Variants in ZNF579 observed in about 807,000 individuals in gnomAD.
The protein encoded by ZNF579 is zinc finger protein 579.
A neutral mutation model predicts 5.7 loss-of-function variants in ZNF579; 3 were observed. The ratio of observed to expected loss-of-function variants is 0.53; its 90% CI spans 0.24 to 1.36. ZNF579 has a LOEUF of 1.36. Among genes scored for constraint, ZNF579 ranks in the 40% most tolerant of loss-of-function variants. The pLI is 0.16. For synonymous variants in ZNF579, 454 were observed against 409.0 expected (o/e 1.11, Z -1.33); for missense variants, 679 against 877.6 (o/e 0.77, Z 2.86).
At position 55,577,817 on chromosome 19, in the gene ZNF579, G is replaced by T. The variant is rs1000081718; in HGVS notation, c.*134C>A. 1.4e-6 allele frequency: 2 copies of T among 1,456,808 alleles called. No individual in the cohort carries two copies. The highest frequency in any genetic ancestry group is 1.8e-6 in the Non-Finnish European group (2 of 1,103,872). The allele number at this position is 1,456,808 out of a possible 1,614,324, so 90.2% of individuals were successfully genotyped here. On this transcript the variant is annotated 3_prime_UTR_variant, in exon 2 of 2. Coordinates refer to ENST00000325421, the MANE Select transcript of ZNF579 (RefSeq NM_152600.3). ...ATGGGGGAGGAAGGGGCAGTCCAGG[G>T]CCCCCCACTCCTTAGTGTCAAGGGC...
In ZNF579 at chr19:55,578,283, C is replaced by A; in HGVS notation, c.1357G>T (p.Ala453Ser). 2 of 1,310,308 alleles carry A rather than the reference C, an allele frequency of 1.5e-6. No homozygotes were observed. Among genetic ancestry groups the A allele is most frequent in the Non-Finnish European group, 1.9e-6 (2 of 1,035,034 alleles). The allele number at this position is 1,310,308 out of a possible 1,614,324, so 81.2% of individuals were successfully genotyped here. ...CPRCPRRFSR[A>S]YSLLRHQRCH... ...CGCTGGTGGCGCAGGAGGCTGTAGG[C>A]GCGCGAGAAGCGGCGCGGGCAGCGG... Residue 453 changes from alanine (A) to serine (S), a missense_variant, in exon 2 of 2, where the codon GCC (alanine) becomes TCC (serine). By Grantham distance (99) the Ala-to-Ser change is moderately conservative (BLOSUM62 1). Around this residue, in one of 6 missense-constraint regions of ZNF579, gnomAD observed 68 missense variants for 154.2 expected, o/e 0.44. Coordinates refer to ENST00000325421, the MANE Select transcript of ZNF579 (RefSeq NM_152600.3).
At position 55,579,238 on chromosome 19, in the gene ZNF579, C is replaced by G. The variant is rs1454039654; in HGVS notation, c.402G>C (p.Arg134Ser). The change falls in exon 2 of 2, where the codon AGG becomes AGC. Residue 134 changes from arginine to serine, a missense_variant. By Grantham distance (110) the Arg-to-Ser change is moderately radical. Transcript: ENST00000325421. ...AGGEVELAIERVAKETAEPSW... is the reference protein window; with the variant it reads ...AGGEVELAIESVAKETAEPSW... ...TGGGTTCGGCCGTCTCCTTGGCCAC[C>G]CTCTCGATGGCCAGCTCGACCTCGC... The G allele has an allele frequency of 2.0e-6, 3 of 1,521,648 alleles. No individual in the cohort carries two copies. The East Asian group carries it at 7.6e-5, about 39-fold the overall frequency. 94.3% of individuals were successfully genotyped at this position (1,521,648 alleles called of 1,614,324 possible).
At position 55,579,015 on chromosome 19, in the gene ZNF579, C is replaced by T. The variant is rs1188688480; in HGVS notation, c.625G>A (p.Glu209Lys). The T allele has an allele frequency of 6.5e-7, 1 of 1,531,312 alleles. No individual in the cohort carries two copies. The highest frequency in any genetic ancestry group is 8.7e-7 in the Non-Finnish European group (1 of 1,144,722). The allele number at this position is 1,531,312 out of a possible 1,614,324, so 94.9% of individuals were successfully genotyped here. ...AEAGAAELRAELALAAGRQEE... is the reference protein window; with the variant it reads ...AEAGAAELRAKLALAAGRQEE... ...TGCCGCCCGGCCGCCAGCGCCAGCTCGGCCCTCAGCTCTGCTGCCCCGGCC... is the reference window on the plus strand; with the variant it reads ...TGCCGCCCGGCCGCCAGCGCCAGCTTGGCCCTCAGCTCTGCTGCCCCGGCC... Residue 209 changes from glutamate to lysine, a missense_variant, in exon 2 of 2, where the codon GAG becomes AAG. Physicochemically the swap from Glu to Lys is moderately conservative, Grantham distance 56. Coordinates refer to ENST00000325421, the MANE Select transcript of ZNF579 (RefSeq NM_152600.3).
intron 1 of ZNF579, 67 bp from the exon 2 acceptor site, chr19:55,579,708 G>T: frequency 7.5e-7 from 1 of 1,339,672 alleles, no homozygotes; most frequent in South Asian, 1.8e-5. Context: ...GGGTGTGGCA[G>T]AAAGAGAAGC....
chr19:55,577,849 G>A lies in ZNF579; in HGVS notation c.*102C>T, dbSNP rs1979431226. ...ACTCCTTAGTGTCAAGGGCGTGAAGGGGACGGGTGGGTAGACAGAGGAGGT... is the reference window on the plus strand; with the variant it reads ...ACTCCTTAGTGTCAAGGGCGTGAAGAGGACGGGTGGGTAGACAGAGGAGGT... On this transcript the variant is annotated 3_prime_UTR_variant, in exon 2 of 2. Transcript: ENST00000325421. 1.3e-6 allele frequency: 2 copies of A among 1,506,726 alleles called. No homozygotes were observed. Among genetic ancestry groups the A allele is most frequent in the African/African-American group, 1.4e-5 (1 of 72,506 alleles). 93.3% of individuals were successfully genotyped at this position (1,506,726 alleles called of 1,614,324 possible).
At position 55,578,997 on chromosome 19, in the gene ZNF579, C is replaced by A. The variant is rs771368020; in HGVS notation, c.643G>T (p.Gly215Trp). Residue 215 changes from glycine (G) to tryptophan (W), a missense_variant, in exon 2 of 2, where the codon GGG becomes TGG. Physicochemically the swap from Gly to Trp is radical, Grantham distance 184. Around this residue, in one of 6 missense-constraint regions of ZNF579, gnomAD observed 209 missense variants for 223.4 expected, o/e 0.94. Coordinates refer to ENST00000325421, the MANE Select transcript of ZNF579 (RefSeq NM_152600.3). ...ELRAELALAA[G>W]RQEEKQVLLQ... ...AGGACCTGTTTCTCCTCCTGCCGCC[C>A]GGCCGCCAGCGCCAGCTCGGCCCTC... 1.3e-6 allele frequency: 2 copies of A among 1,531,802 alleles called. No individual in the cohort carries two copies. Among genetic ancestry groups the A allele is most frequent in the African/African-American group, 1.4e-5 (1 of 71,854 alleles). The allele number at this position is 1,531,802 out of a possible 1,614,324, so 94.9% of individuals were successfully genotyped here.
Position 55,579,259 on chromosome 19 carries a change from C to T in ZNF579, c.381G>A (p.Glu127=), listed in dbSNP as rs1409519663. Residue 127 remains glutamate (E), a synonymous_variant, in exon 2 of 2, where the codon GAG becomes GAA. Transcript: ENST00000325421. ...RHLAQEHAGG[E]VELAIERVAK... ...CCACCCTCTCGATGGCCAGCTCGAC[C>T]TCGCCGCCCGCGTGCTCCTGAGCCA... is the stretch of plus-strand genomic sequence containing the variant. The T allele has an allele frequency of 1.3e-6, 2 of 1,518,374 alleles. No homozygotes were observed. The highest frequency in any genetic ancestry group is 1.8e-6 in the Non-Finnish European group (2 of 1,138,438). 94.1% of individuals were successfully genotyped at this position (1,518,374 alleles called of 1,614,324 possible).
intron 1 of ZNF579, among the ~76,000 whole-genome samples, chr19:55,580,291 T>TA (rs1439025597): frequency 6.6e-6 from 1 of 151,368 alleles, no homozygotes; most frequent in Non-Finnish European, 1.5e-5. Context: ...GCCCCGGAAA[T>TA]AGAGTGTGTT....
In ZNF579 at chr19:55,577,750, T is replaced by C; in HGVS notation, c.*201A>G. 1 of 977,538 alleles carries C rather than the reference T, an allele frequency of 1.0e-6. No individual in the cohort carries two copies. Among genetic ancestry groups the C allele is most frequent in the East Asian group, 2.7e-5 (1 of 36,966 alleles). The allele number at this position is 977,538 out of a possible 1,614,324, so 60.6% of individuals were successfully genotyped here. A position where few individuals can be genotyped will look rare whatever the true frequency, so the allele number is the denominator to read the frequency against. Reference sequence around the variant, plus strand: ...TCCTGCCTTAAGACACATGTTGGGGTGAGCGGTTCCTAACCAGCATCAGGG... The same window carrying C: ...TCCTGCCTTAAGACACATGTTGGGGCGAGCGGTTCCTAACCAGCATCAGGG... On this transcript the variant is annotated 3_prime_UTR_variant, in exon 2 of 2. Transcript: ENST00000325421.
Position 55,578,331 on chromosome 19 carries a change from C to T in ZNF579, c.1309G>A (p.Gly437Ser). The T allele has an allele frequency of 7.3e-7, 1 of 1,365,972 alleles. No individual in the cohort carries two copies. Among genetic ancestry groups the T allele is most frequent in the Non-Finnish European group, 9.4e-7 (1 of 1,067,212 alleles). 84.6% of individuals were successfully genotyped at this position (1,365,972 alleles called of 1,614,324 possible). A position where few individuals can be genotyped will look rare whatever the true frequency, so the allele number is the denominator to read the frequency against. ...LARHAQVHAG[G>S]PAPHPCPRCP... The stretch of plus-strand genomic sequence containing the variant: ...CGGGGGCACGGGTGCGGGGCTGGGC[C>T]CCCCGCGTGCACCTGTGCGTGGCGC... The change falls in exon 2 of 2, where the codon GGC (glycine) becomes AGC (serine). Residue 437 changes from glycine (G) to serine (S), a missense_variant. Gly to Ser is a moderately conservative substitution (Grantham distance 56). Transcript: ENST00000325421.
chr19:55,580,122 CAG>C (rs1335096040), intron 1 of ZNF579: 2 of 154,540 alleles, frequency 1.3e-5, no homozygotes, highest in African/African-American at 4.8e-5. Flanking sequence ...GACAGGGAGA[CAG>C]AGACACAGAG....
At position 55,579,490 on chromosome 19, in the gene ZNF579, G is replaced by A; in HGVS notation, c.150C>T (p.Gly50=). The change falls in exon 2 of 2, where the codon GGC becomes GGT. Residue 50 remains glycine (G), a synonymous_variant. Transcript: ENST00000325421. ...PRAPLPCPTC[G]RLFRFPYYLS... ...GGTAGTAGGGGAAACGGAAGAGGCG[G>A]CCGCAGGTGGGGCAGGGCAGGGGCG... 7.4e-7 allele frequency: 1 copy of A among 1,360,472 alleles called. No homozygotes were observed. 84.3% of individuals were successfully genotyped at this position (1,360,472 alleles called of 1,614,324 possible).
In ZNF579 at chr19:55,578,407, G is replaced by A; in HGVS notation, c.1233C>T (p.Pro411=). ...QHGVTHSGAR[P]FQCVRCQREF... is the part of the protein sequence containing the mutation. ...CCCGCTGGCAGCGCACGCACTGGAA[G>A]GGGCGCGCTCCCGAGTGGGTCACCC... is the stretch of plus-strand genomic sequence containing the variant. The change falls in exon 2 of 2, where the codon CCC becomes CCT. Residue 411 remains proline (P), a synonymous_variant. Coordinates refer to ENST00000325421, the MANE Select transcript of ZNF579 (RefSeq NM_152600.3). 21 of 1,478,788 alleles carry A rather than the reference G, an allele frequency of 1.4e-5. No individual in the cohort carries two copies. Among genetic ancestry groups the A allele is most frequent in the Non-Finnish European group, 1.9e-5 (21 of 1,123,746 alleles). The allele number at this position is 1,478,788 out of a possible 1,614,324, so 91.6% of individuals were successfully genotyped here.
intron 1 of ZNF579, 50 bp from the exon 2 acceptor site, chr19:55,579,691 G>T: frequency 7.3e-7 from 1 of 1,365,602 alleles, no homozygotes; most frequent in Non-Finnish European, 9.4e-7. Flanking sequence ...ATAAAAAGAG[G>T]TGCGTGGGGT....
intron 1 of ZNF579, 65 bp from the exon 2 acceptor site, chr19:55,579,706 CAGAA>C: frequency 1.5e-6 from 2 of 1,338,360 alleles, no homozygotes; most frequent in Non-Finnish European, 1.9e-6. Context: ...TGGGGTGTGG[CAGAA>C]AGAGAAGCAG....
At chr19:55,580,284 C>T (rs1979611079) in intron 1 of ZNF579, among the ~76,000 whole-genome samples, 1 of 151,928 alleles carries the variant, frequency 6.6e-6, no homozygotes. Context: ...CCGGTAGGCC[C>T]CGGAAATAGA....
chr19:55,578,650 G>T lies in ZNF579; in HGVS notation c.990C>A (p.Pro330=), dbSNP rs770819662. ...CCTTGTCGTCCTTCTTGCCCGCCGC[G>T]GGCAGCGGGGCCAGCAGGCTGAGGG... The part of the protein sequence containing the change: ...HGPLSLLAPL[P]AAGKKDDKAS... Residue 330 remains proline (P), a synonymous_variant, in exon 2 of 2, where the codon CCC becomes CCA. Transcript: ENST00000325421. 6.5e-7 allele frequency: 1 copy of T among 1,529,068 alleles called. No individual in the cohort carries two copies. The allele number at this position is 1,529,068 out of a possible 1,614,324, so 94.7% of individuals were successfully genotyped here.
Position 55,577,839 on chromosome 19 carries a change from G to C in ZNF579, c.*112C>G. 3 of 1,493,138 alleles carry C rather than the reference G, an allele frequency of 2.0e-6. No individual in the cohort carries two copies. Among genetic ancestry groups the C allele is most frequent in the Non-Finnish European group, 2.7e-6 (3 of 1,126,538 alleles). The allele number at this position is 1,493,138 out of a possible 1,614,324, so 92.5% of individuals were successfully genotyped here. The stretch of plus-strand genomic sequence containing the variant: ...AGGGCCCCCCACTCCTTAGTGTCAA[G>C]GGCGTGAAGGGGACGGGTGGGTAGA... On this transcript the variant is annotated 3_prime_UTR_variant, in exon 2 of 2. Coordinates refer to ENST00000325421, the MANE Select transcript of ZNF579 (RefSeq NM_152600.3).
Position 55,578,630 on chromosome 19 carries a change from T to C in ZNF579, c.1010A>G (p.Asp337Gly). 6.5e-7 allele frequency: 1 copy of C among 1,527,046 alleles called. No individual in the cohort carries two copies. Among genetic ancestry groups the C allele is most frequent in the Non-Finnish European group, 8.7e-7 (1 of 1,148,368 alleles). The allele number at this position is 1,527,046 out of a possible 1,614,324, so 94.6% of individuals were successfully genotyped here. A position where few individuals can be genotyped will look rare whatever the true frequency, so the allele number is the denominator to read the frequency against. Reference protein sequence around the residue: ...APLPAAGKKDDKASGARNSAK... With the variant: ...APLPAAGKKDGKASGARNSAK... ...TGAGTTCCGTGCACCCGAGGCCTTG[T>C]CGTCCTTCTTGCCCGCCGCGGGCAG... The change falls in exon 2 of 2, where the codon GAC becomes GGC. Residue 337 changes from aspartate to glycine, a missense_variant. By Grantham distance (94) the Asp-to-Gly change is moderately conservative. Coordinates refer to ENST00000325421, the MANE Select transcript of ZNF579 (RefSeq NM_152600.3).
Sources: allele counts gnomAD v4.1 joint callset (sites outside exome capture counted in the v4.1 genomes callset), GRCh38; gene constraint gnomAD v4.1.1; regional missense constraint gnomAD v4.1.1; transcripts MANE v1.5; gene names NCBI Gene and HGNC (gene_info 2026-07-23, HGNC 2026-07-21).